Variants in GALNT12 observed in about 807,000 individuals in gnomAD.
The protein encoded by GALNT12 is UDP-GalNAc:polypeptide N-acetylgalactosaminyltransferase 12.
A neutral mutation model predicts 55.5 loss-of-function variants in GALNT12; 45 were observed. The observed-to-expected ratio is 0.81, with a 90% CI of 0.64 to 1.04. The LOEUF is 1.04. GALNT12 is among the 50% of genes least tolerant of loss of function. The pLI is 0.00. For missense variants in GALNT12, 709 were observed against 754.8 expected (o/e 0.94, Z 0.71); for synonymous variants, 304 against 312.2 (o/e 0.97, Z 0.28).
intron 1 of GALNT12, among the ~76,000 whole-genome samples, chr9:98,815,865 T>C (rs1417233335): frequency 6.6e-6 from 1 of 152,244 alleles, no homozygotes; most frequent in African/African-American, 2.4e-5. Context: ...GTTTCTAGAA[T>C]TGGCTATCTG....
intron 4 of GALNT12, among the ~76,000 whole-genome samples, chr9:98,834,880 C>T (rs1215567283): frequency 6.6e-6 from 1 of 152,162 alleles, no homozygotes; most frequent in African/African-American, 2.4e-5. Flanking sequence ...AGAACCATTC[C>T]ATTTCCCTTC....
intron 4 of GALNT12, among the ~76,000 whole-genome samples, chr9:98,832,654 A>G (rs1430305975): frequency 6.6e-6 from 1 of 152,128 alleles, no homozygotes; most frequent in Non-Finnish European, 1.5e-5. Context: ...CCCACTAAGC[A>G]ATAACTTCCC....
At chr9:98,812,585 C>G (rs1486081719) in intron 1 of GALNT12, among the ~76,000 whole-genome samples, 1 of 152,130 alleles carries the variant, frequency 6.6e-6, no homozygotes, top group African/African-American at 2.4e-5. Flanking sequence ...GAACAAGACT[C>G]CATTTAAAAA....
intron 6 of GALNT12, among the ~76,000 whole-genome samples, chr9:98,837,584 C>T (rs755780685): frequency 1.1e-4 from 16 of 152,206 alleles, no homozygotes; most frequent in African/African-American, 2.4e-4. Flanking sequence ...TTACCTAGCA[C>T]GTGTTATTTT....
intron 5 of GALNT12, among the ~76,000 whole-genome samples, chr9:98,835,839 G>A (rs1354637491): frequency 6.6e-6 from 1 of 152,126 alleles, no homozygotes; most frequent in Non-Finnish European, 1.5e-5. Context: ...GTGTTGAAGT[G>A]ATTCTTCTGC....
intron 1 of GALNT12, among the ~76,000 whole-genome samples, 194 bp from the exon 2 acceptor site, chr9:98,823,062 A>G (rs1174125532): frequency 2.6e-5 from 4 of 152,168 alleles, no homozygotes; most frequent in Non-Finnish European, 5.9e-5. Flanking sequence ...AGTAAAAGCT[A>G]GGTGGGTGCC....
Position 98,840,097 on chromosome 9 carries a change from G to C in GALNT12, c.1308G>C (p.Leu436=), listed in dbSNP as rs781332510. 40 of 1,613,970 alleles carry C rather than the reference G, an allele frequency of 2.5e-5. No individual in the cohort carries two copies. Among genetic ancestry groups the C allele is most frequent in the Non-Finnish European group, 3.1e-5 (37 of 1,180,022 alleles). ...KWFLETVYPE[L]HVPEDRPGFF... is the part of the protein sequence containing the mutation. ...TCTTGGAGACTGTGTATCCAGAACT[G>C]CATGTGCCTGAGGACAGGCCTGGCT... Residue 436 remains leucine (L), a synonymous_variant, in exon 7 of 10, where the codon CTG becomes CTC. Transcript: ENST00000375011.
At chr9:98,848,858 A>G (rs1020153427) in intron 9 of GALNT12, 94 bp from the exon 10 acceptor site, 1 of 1,448,758 alleles carries the variant, frequency 6.9e-7, no homozygotes, top group Non-Finnish European at 9.6e-7. Flanking sequence ...TATTTCTGAA[A>G]TGGTAAAAAT....
In GALNT12 at chr9:98,826,839, G is replaced by A. The variant is rs780705882; in HGVS notation, c.629G>A (p.Arg210Gln). 2.5e-6 allele frequency: 4 copies of A among 1,610,256 alleles called. No homozygotes were observed. Among genetic ancestry groups the A allele is most frequent in the Admixed American group, 1.7e-5 (1 of 59,652 alleles). ...IRANKREGLVRARLLGASAAR... is the reference protein window; with the variant it reads ...IRANKREGLVQARLLGASAAR... ...GCCAACAAGAGAGAGGGCCTGGTGC[G>A]AGCCCGGCTGCTGGGGGCGTCTGCG... Residue 210 changes from arginine (R) to glutamine (Q), a missense_variant, in exon 3 of 10, where the codon CGA (arginine) becomes CAA (glutamine). By Grantham distance (43) the Arg-to-Gln change is conservative (BLOSUM62 1). Coordinates refer to ENST00000375011, the MANE Select transcript of GALNT12 (RefSeq NM_024642.5).
At chr9:98,831,656 C>T in intron 3 of GALNT12, 116 bp from the exon 4 acceptor site, 1 of 1,179,258 alleles carries the variant, frequency 8.5e-7, no homozygotes, top group Non-Finnish European at 1.2e-6. Context: ...AGGTCTTTCT[C>T]AGATGTTCCT....
At chr9:98,814,320 T>G (rs886348609) in intron 1 of GALNT12, among the ~76,000 whole-genome samples, 8 of 152,138 alleles carry the variant, frequency 5.3e-5, no homozygotes, top group Non-Finnish European at 8.8e-5. Flanking sequence ...GACACAAAAA[T>G]GTACATCACG....
intron 8 of GALNT12, among the ~76,000 whole-genome samples, chr9:98,844,804 C>A (rs1258891005): frequency 6.6e-6 from 1 of 152,026 alleles, no homozygotes; most frequent in Non-Finnish European, 1.5e-5. Context: ...TCAGGCTGGG[C>A]AGGGGAGATT....
In GALNT12 at chr9:98,835,377, C is replaced by T; in HGVS notation, c.1035+11C>T. 1 of 1,475,648 alleles carries T rather than the reference C, an allele frequency of 6.8e-7. No homozygotes were observed. Among genetic ancestry groups the T allele is most frequent in the Non-Finnish European group, 9.5e-7 (1 of 1,053,590 alleles). The allele number at this position is 1,475,648 out of a possible 1,614,324, so 91.4% of individuals were successfully genotyped here. A position where few individuals can be genotyped will look rare whatever the true frequency, so the allele number is the denominator to read the frequency against. On this transcript the variant is annotated intron_variant, in intron 5 of 9. Transcript: ENST00000375011. ...GAATTTTCCTTTAGGGTAAGTATTT[C>T]AGTCTTCTCTTTGGACATGTTCTTA...
chr9:98,848,764 C>T lies in GALNT12; in HGVS notation c.1606-188C>T, dbSNP rs1049256929. The T allele has an allele frequency of 1.8e-5, 12 of 676,702 alleles. No homozygotes were observed. The African/African-American group carries it at 2.0e-4, about 11-fold the overall frequency. 41.9% of individuals were successfully genotyped at this position (676,702 alleles called of 1,614,324 possible). The stretch of plus-strand genomic sequence containing the variant: ...TCGGTCCTGTGAGAGGCAAGCGGGA[C>T]GCAGCCTGTACAAGCCTGGTGCTGT... On this transcript the variant is annotated intron_variant, in intron 9 of 9. Transcript: ENST00000375011.
intron 2 of GALNT12, among the ~76,000 whole-genome samples, chr9:98,826,117 A>G (rs772634189): frequency 1.7e-4 from 26 of 152,114 alleles, no homozygotes; most frequent in Middle Eastern, 3.4e-3. Flanking sequence ...CAACTTCCTT[A>G]CTCTGTGACC....
chr9:98,826,460 A>C (rs1468299398), intron 2 of GALNT12, among the ~76,000 whole-genome samples: 1 of 152,156 alleles, frequency 6.6e-6, no homozygotes, highest in Admixed American at 6.5e-5. Context: ...ATTGAAATAT[A>C]TTCACACACC....
Position 98,840,067 on chromosome 9 carries a change from GTGGT to G in GALNT12, c.1280_1283del (p.Trp427SerfsTer27). ...ACAAGCTCCAGTGTAAAGACTTCAA[GTGGT>G]TCTTGGAGACTGTGTATCCAGAACT... is the stretch of plus-strand genomic sequence containing the variant. On this transcript the variant is annotated frameshift_variant, in exon 7 of 10. Coordinates refer to ENST00000375011, the MANE Select transcript of GALNT12 (RefSeq NM_024642.5). LOFTEE classifies it high-confidence loss of function. 1.9e-6 allele frequency: 3 copies of G among 1,614,234 alleles called. No individual in the cohort carries two copies. The highest frequency in any genetic ancestry group is 2.5e-6 in the Non-Finnish European group (3 of 1,180,034).
intron 3 of GALNT12, among the ~76,000 whole-genome samples, chr9:98,830,690 G>A (rs778790391): frequency 3.9e-5 from 6 of 152,224 alleles, no homozygotes; most frequent in Admixed American, 2.6e-4. Context: ...TTAAATAAGC[G>A]GATGTTGGTG....
At chr9:98,840,507 A>G (rs1836263300) in intron 7 of GALNT12, among the ~76,000 whole-genome samples, 1 of 152,186 alleles carries the variant, frequency 6.6e-6, no homozygotes, top group African/African-American at 2.4e-5. Context: ...AATAGTGGGT[A>G]TAGGGGAGTC....
Sources: gnomAD v4.1 joint callset for allele counts (sites outside exome capture counted in the v4.1 genomes callset) on GRCh38, gnomAD v4.1.1 for gene constraint, MANE v1.5 for transcripts, NCBI Gene and HGNC (gene_info 2026-07-23, HGNC 2026-07-21) for gene names.